The following C7orf78 variants were observed in gnomAD, a reference collection of about 807,000 sequenced individuals.
C7orf78 encodes putative uncharacterized protein C7orf78.
chr7:12,534,655 C>G, the C7orf78 span, among the ~76,000 whole-genome samples: 67,141 of 151,846 alleles, frequency 0.44, 15,351 homozygotes, highest in East Asian at 0.55. Flanking sequence ...GCATGTAATC[C>G]AATGGAAAAT....
chr7:12,541,941 G>A, the C7orf78 span: 1 of 152,304 alleles, frequency 6.6e-6, no homozygotes, highest in African/African-American at 2.4e-5. Context: ...GTTCCAACTA[G>A]AAGGAAAGGT....
At chr7:12,521,438 C>T in the C7orf78 span, among the ~76,000 whole-genome samples, 15 of 151,754 alleles carry the variant, frequency 9.9e-5, no homozygotes, top group African/African-American at 3.6e-4. Context: ...TTGAAATCTA[C>T]CCATTATATG....
At chr7:12,538,123 T>C in the C7orf78 span, among the ~76,000 whole-genome samples, 1 of 152,192 alleles carries the variant, frequency 6.6e-6, no homozygotes, top group Non-Finnish European at 1.5e-5. Flanking sequence ...GAAATATTTA[T>C]TTAATATCTA....
chr7:12,502,630 T>C, the C7orf78 span, among the ~76,000 whole-genome samples: 3 of 151,944 alleles, frequency 2.0e-5, no homozygotes, highest in African/African-American at 7.3e-5. Flanking sequence ...TTTACATTGT[T>C]GGTGGGACTG....
At chr7:12,490,214 A>G in the C7orf78 span, among the ~76,000 whole-genome samples, 3 of 152,098 alleles carry the variant, frequency 2.0e-5, no homozygotes, top group Admixed American at 2.0e-4. Flanking sequence ...TTTACTTCTG[A>G]TGTAACTGAA....
the C7orf78 span, among the ~76,000 whole-genome samples, chr7:12,511,815 G>A: frequency 2.1e-4 from 32 of 151,224 alleles, no homozygotes; most frequent in African/African-American, 6.6e-4. Context: ...GCAGTGGCAC[G>A]ATCTCAGCTC....
chr7:12,537,030 CCTGT>C, the C7orf78 span, among the ~76,000 whole-genome samples: 1 of 152,174 alleles, frequency 6.6e-6, no homozygotes, highest in African/African-American at 2.4e-5. Context: ...TGTTCCAACC[CCTGT>C]CTGTTACCCA....
At chr7:12,518,034 C>A in the C7orf78 span, among the ~76,000 whole-genome samples, 1 of 152,100 alleles carries the variant, frequency 6.6e-6, no homozygotes, top group African/African-American at 2.4e-5. Flanking sequence ...GAGTTTAGGG[C>A]TTTTTCCTAA....
the C7orf78 span, among the ~76,000 whole-genome samples, chr7:12,519,142 G>A: frequency 5.3e-5 from 8 of 152,048 alleles, no homozygotes; most frequent in Admixed American, 4.6e-4. Flanking sequence ...TACTGCAGGG[G>A]GACAGGGTCA....
At chr7:12,508,023 C>A in the C7orf78 span, among the ~76,000 whole-genome samples, 1 of 152,200 alleles carries the variant, frequency 6.6e-6, no homozygotes, top group Non-Finnish European at 1.5e-5. Context: ...CAGTCTACAT[C>A]ATGCTACGTT....
At chr7:12,511,845 G>A in the C7orf78 span, among the ~76,000 whole-genome samples, 50 of 150,954 alleles carry the variant, frequency 3.3e-4, 3 homozygotes, top group Admixed American at 1.9e-3. Context: ...TCTGCTTCCC[G>A]GGTTCACACC....
the C7orf78 span, among the ~76,000 whole-genome samples, chr7:12,522,411 T>A: frequency 6.6e-6 from 1 of 152,110 alleles, no homozygotes; most frequent in African/African-American, 2.4e-5. Context: ...TTCTCATCTA[T>A]AAGTTTCAAT....
the C7orf78 span, among the ~76,000 whole-genome samples, chr7:12,539,877 G>C: frequency 6.6e-6 from 1 of 152,194 alleles, no homozygotes; most frequent in Non-Finnish European, 1.5e-5. Context: ...GAGGGCTCCA[G>C]GCTTCTCATT....
chr7:12,500,365 C>T, the C7orf78 span, among the ~76,000 whole-genome samples: 21,415 of 150,366 alleles, frequency 0.14, 1,661 homozygotes, highest in Non-Finnish European at 0.19. Context: ...AGAGAAGAAT[C>T]AAATAGACGC....
chr7:12,519,656 T>C, the C7orf78 span, among the ~76,000 whole-genome samples: 1 of 152,190 alleles, frequency 6.6e-6, no homozygotes, highest in Non-Finnish European at 1.5e-5. Context: ...CTGGAAAGCA[T>C]GTAATTTGGC....
chr7:12,486,837 T>C, the C7orf78 span: 10 of 152,054 alleles, frequency 6.6e-5, no homozygotes, highest in Admixed American at 4.6e-4. Context: ...TTCTTGAACA[T>C]TTTAAGAATA....
At chr7:12,490,641 G>T in the C7orf78 span, among the ~76,000 whole-genome samples, 1 of 152,038 alleles carries the variant, frequency 6.6e-6, no homozygotes, top group African/African-American at 2.4e-5. Flanking sequence ...AGCTATCTTT[G>T]AGACTGGATA....
the C7orf78 span, among the ~76,000 whole-genome samples, chr7:12,500,467 C>G: frequency 1.3e-5 from 2 of 150,274 alleles, no homozygotes; most frequent in Non-Finnish European, 3.0e-5. Flanking sequence ...CGCAAATAAA[C>G]TAGAAAATCT....
chr7:12,495,994 C>G, the C7orf78 span, among the ~76,000 whole-genome samples: 3 of 151,790 alleles, frequency 2.0e-5, no homozygotes, highest in Admixed American at 1.3e-4. Context: ...GGCGTGATCT[C>G]GGCTCACTGC....
Sources: gnomAD v4.1 joint callset for allele counts (sites outside exome capture counted in the v4.1 genomes callset) on GRCh38, gnomAD v4.1.1 for gene constraint, MANE v1.5 for transcripts, NCBI Gene and HGNC (gene_info 2026-07-23, HGNC 2026-07-21) for gene names.